Variants in RSRC1 observed in about 807,000 individuals in gnomAD.
RSRC1 encodes the protein serine/Arginine-related protein 53.
Under a neutral mutation model 49.1 loss-of-function variants are expected in RSRC1, and 39 were observed. The ratio of observed to expected loss-of-function variants is 0.79; its 90% confidence interval spans 0.61 to 1.04. The LOEUF (loss-of-function observed/expected upper bound fraction) is 1.04, where lower values mean the gene tolerates loss of function less well. Among genes scored for constraint, RSRC1 ranks in the 50% least tolerant of loss-of-function variants. The probability of loss-of-function intolerance (pLI) is 0.00; values close to 1 mark genes in which losing one functional copy is unlikely to be tolerated. For synonymous variants in RSRC1, 143 were observed against 130.8 expected (o/e 1.09, Z -0.63); for missense variants, 388 against 402.4 (o/e 0.96, Z 0.31).
At chr3:158,515,054 G>A (rs1430673475) in intron 7 of RSRC1, among the ~76,000 whole-genome samples, 6 of 148,940 alleles carry the variant, frequency 4.0e-5, no homozygotes, top group Non-Finnish European at 5.9e-5. Context: ...ACACTGATGG[G>A]TCTTGACTCT....
intron 4 of RSRC1, among the ~76,000 whole-genome samples, chr3:158,277,274 T>C (rs1725870130): frequency 6.6e-6 from 1 of 152,238 alleles, no homozygotes; most frequent in Non-Finnish European, 1.5e-5. Context: ...CAAACATTTA[T>C]CTTTTAATGC....
intron 6 of RSRC1, among the ~76,000 whole-genome samples, chr3:158,441,432 A>G (rs1736374599): frequency 6.6e-6 from 1 of 151,664 alleles, no homozygotes; most frequent in Non-Finnish European, 1.5e-5. Context: ...CACCCAAGGT[A>G]TTGTGCTATC....
chr3:158,313,081 A>G (rs1485303147), intron 5 of RSRC1, among the ~76,000 whole-genome samples: 1 of 152,066 alleles, frequency 6.6e-6, no homozygotes, highest in African/African-American at 2.4e-5. Context: ...TGTTCAAAAT[A>G]TGGTATACCA....
At chr3:158,131,968 A>G (rs936058637) in intron 3 of RSRC1, 4 of 213,272 alleles carry the variant, frequency 1.9e-5, no homozygotes, top group Non-Finnish European at 3.1e-5. Context: ...TGTTTTCTTT[A>G]GAAGTCATTT....
chr3:158,504,902 G>T (rs1739782663), intron 7 of RSRC1, among the ~76,000 whole-genome samples: 1 of 152,186 alleles, frequency 6.6e-6, no homozygotes, highest in Non-Finnish European at 1.5e-5. Context: ...AGATTCATTT[G>T]TTAGGTATTT....
intron 6 of RSRC1, among the ~76,000 whole-genome samples, chr3:158,425,631 G>A (rs868068127): frequency 3.0e-4 from 45 of 151,790 alleles, no homozygotes; most frequent in African/African-American, 1.1e-3. Context: ...CAATTCCTGG[G>A]TATCCTTGTT....
chr3:158,195,582 G>A (rs1376854049), intron 3 of RSRC1, among the ~76,000 whole-genome samples: 1 of 152,186 alleles, frequency 6.6e-6, no homozygotes, highest in African/African-American at 2.4e-5. Flanking sequence ...CCATGCCTAT[G>A]TCCTGAATGG....
chr3:158,515,412 T>A (rs964026088), intron 7 of RSRC1, among the ~76,000 whole-genome samples: 3 of 129,168 alleles, frequency 2.3e-5, no homozygotes, highest in African/African-American at 9.4e-5. Context: ...TCTTTAAGAA[T>A]GTTGAATATT....
At chr3:158,396,055 G>T (rs1318568104) in intron 6 of RSRC1, among the ~76,000 whole-genome samples, 1 of 152,080 alleles carries the variant, frequency 6.6e-6, no homozygotes, top group East Asian at 1.9e-4. Context: ...GGAGCTGGGT[G>T]CCATTATCCT....
intron 4 of RSRC1, among the ~76,000 whole-genome samples, chr3:158,205,545 CAT>C (rs1483755557): frequency 7.9e-5 from 12 of 152,042 alleles, no homozygotes; most frequent in Non-Finnish European, 7.4e-5. Flanking sequence ...GGAATATAAA[CAT>C]GTGTAGAAGG....
At chr3:158,229,341 T>C (rs1434141918) in intron 4 of RSRC1, among the ~76,000 whole-genome samples, 1 of 148,996 alleles carries the variant, frequency 6.7e-6, no homozygotes, top group East Asian at 2.0e-4. Flanking sequence ...TATGTGTATG[T>C]ATGTATATAT....
At position 158,367,562 on chromosome 3, in the gene RSRC1, A is replaced by G. The variant is rs757192531; in HGVS notation, c.583+12654A>G. Among the ~76,000 whole-genome samples the G allele has an allele frequency of 6.4e-4, 97 of 152,242 alleles. 1 individual carries two copies. Among genetic ancestry groups the G allele is most frequent in the South Asian group, 1.4e-3 (7 of 4,828 alleles). Reference sequence around the variant, plus strand: ...CCAGTATTTTATTGAGGATTTTTGCATCAATGTTCATCAGGGAATATCCAC... The same window carrying G: ...CCAGTATTTTATTGAGGATTTTTGCGTCAATGTTCATCAGGGAATATCCAC... On this transcript the variant is annotated intron_variant, in intron 6 of 9. Coordinates refer to ENST00000611884, the MANE Select transcript of RSRC1 (RefSeq NM_001271838.2).
At chr3:158,234,045 T>TTAGG (rs1723107931) in intron 4 of RSRC1, among the ~76,000 whole-genome samples, 1 of 152,150 alleles carries the variant, frequency 6.6e-6, no homozygotes, top group South Asian at 2.1e-4. Flanking sequence ...CTCAATCTAA[T>TTAGG]TAGGGGTTAA....
At chr3:158,441,579 G>C (rs973826489) in intron 6 of RSRC1, among the ~76,000 whole-genome samples, 2 of 151,960 alleles carry the variant, frequency 1.3e-5, no homozygotes, top group African/African-American at 4.8e-5. Flanking sequence ...TAATAAACTT[G>C]TGTATTCTCT....
At chr3:158,198,589 G>T (rs373374200) in intron 3 of RSRC1, among the ~76,000 whole-genome samples, 23 of 152,088 alleles carry the variant, frequency 1.5e-4, no homozygotes, top group Admixed American at 4.6e-4. Context: ...TAGCCTCGAC[G>T]GTCTTTACAA....
intron 4 of RSRC1, among the ~76,000 whole-genome samples, chr3:158,237,665 T>TA (rs1033518598): frequency 6.6e-6 from 1 of 152,156 alleles, no homozygotes; most frequent in Non-Finnish European, 1.5e-5. Context: ...TTTGTCCACT[T>TA]AAAAAAATGG....
intron 6 of RSRC1, among the ~76,000 whole-genome samples, chr3:158,418,358 C>A (rs984919934): frequency 2.6e-5 from 4 of 152,080 alleles, no homozygotes; most frequent in East Asian, 1.9e-4. Flanking sequence ...CCTGTTCTAT[C>A]TGGAGAAACA....
intron 5 of RSRC1, among the ~76,000 whole-genome samples, chr3:158,319,864 C>G (rs1460409696): frequency 6.6e-6 from 1 of 152,094 alleles, no homozygotes; most frequent in African/African-American, 2.4e-5. Context: ...TATGAATTAC[C>G]TGATCAGACA....
In RSRC1 at chr3:158,138,656, C is replaced by T. The variant is rs1448777359; in HGVS notation, c.320+14665C>T. Among the ~76,000 whole-genome samples the T allele has an allele frequency of 2.6e-5, 4 of 152,158 alleles. No individual in the cohort carries two copies. The East Asian group carries it at 5.8e-4, about 22-fold the overall frequency. The stretch of plus-strand genomic sequence containing the variant: ...ATAAGATTTCCTTTTTATTTTTTCT[C>T]TATATCTTTGTTTACTTATTCTTTT... On this transcript the variant is annotated intron_variant, in intron 3 of 9. Coordinates refer to ENST00000611884, the MANE Select transcript of RSRC1 (RefSeq NM_001271838.2).
Sources: allele counts gnomAD v4.1 joint callset (sites outside exome capture counted in the v4.1 genomes callset), GRCh38; gene constraint gnomAD v4.1.1; transcripts MANE v1.5; gene names NCBI Gene and HGNC (gene_info 2026-07-23, HGNC 2026-07-21).